The following NBAS variants were observed in gnomAD, a reference collection of about 807,000 sequenced individuals.
The protein encoded by NBAS is NBAS subunit of NRZ tethering complex, also known as NAG/BC035112 fusion.
Under a neutral mutation model 302.5 loss-of-function variants are expected in NBAS, and 219 were observed. The ratio of observed to expected loss-of-function variants is 0.72; its 90% confidence interval spans 0.65 to 0.81. The LOEUF is 0.81. Among genes scored for constraint, NBAS ranks in the 30% least tolerant of loss-of-function variants. The pLI is 0.00. For missense variants in NBAS, 2,932 were observed against 2,841.6 expected (o/e 1.03, Z -0.72); for synonymous variants, 1,118 against 1,021.6 (o/e 1.09, Z -1.80).
chr2:15,341,402 G>GAATAAATAAATA (rs3085584), intron 35 of NBAS, among the ~76,000 whole-genome samples: 38 of 148,224 alleles, frequency 2.6e-4, no homozygotes, highest in African/African-American at 8.4e-4. Context: ...ATAAATAAAT[G>GAATAAATAAATA]AATAAATAAA....
intron 40 of NBAS, among the ~76,000 whole-genome samples, chr2:15,297,652 A>G (rs898658020): frequency 2.0e-5 from 3 of 152,208 alleles, no homozygotes; most frequent in Non-Finnish European, 2.9e-5. Flanking sequence ...CTGTGGAGCT[A>G]TGAGTCAATT....
chr2:15,034,231 A>AG, the NBAS span, among the ~76,000 whole-genome samples: 8 of 92,078 alleles, frequency 8.7e-5, 1 homozygote, highest in Non-Finnish European at 1.7e-4. Flanking sequence ...AGGGAAAGAA[A>AG]GAAGGAAAGA....
the NBAS span, among the ~76,000 whole-genome samples, chr2:15,094,097 C>T: frequency 1.3e-5 from 2 of 152,188 alleles, no homozygotes; most frequent in African/African-American, 2.4e-5. Context: ...ACTGAAGAAT[C>T]GGCTTCACAT....
intron 12 of NBAS, among the ~76,000 whole-genome samples, chr2:15,484,517 T>C (rs1160355891): frequency 6.6e-6 from 1 of 152,142 alleles, no homozygotes; most frequent in Non-Finnish European, 1.5e-5. Flanking sequence ...GGCCAAGGTC[T>C]GATTTTTCAC....
chr2:15,384,994 T>G (rs964151846), intron 28 of NBAS, among the ~76,000 whole-genome samples: 3 of 143,148 alleles, frequency 2.1e-5, no homozygotes, highest in Non-Finnish European at 4.7e-5. Flanking sequence ...GCAAAAAATA[T>G]AGTCTTTAAA....
At chr2:15,344,382 C>T (rs528364724) in intron 35 of NBAS, among the ~76,000 whole-genome samples, 1 of 152,136 alleles carries the variant, frequency 6.6e-6, no homozygotes, top group Non-Finnish European at 1.5e-5. Context: ...ATAAACACCT[C>T]TCACAAATAA....
chr2:15,409,038 A>C (rs1308671872), intron 25 of NBAS, among the ~76,000 whole-genome samples: 3 of 152,150 alleles, frequency 2.0e-5, no homozygotes, highest in African/African-American at 7.2e-5. Flanking sequence ...GCATCAAGTA[A>C]ATCCTGGCTA....
At chr2:15,389,017 T>G (rs956366413) in intron 28 of NBAS, among the ~76,000 whole-genome samples, 9 of 152,214 alleles carry the variant, frequency 5.9e-5, no homozygotes, top group African/African-American at 2.2e-4. Context: ...CAGTTCTCAC[T>G]GCTGTGAGCT....
chr2:15,505,531 C>A (rs1377186542), intron 10 of NBAS, among the ~76,000 whole-genome samples: 2 of 152,060 alleles, frequency 1.3e-5, no homozygotes, highest in African/African-American at 4.8e-5. Flanking sequence ...AATAGACAAC[C>A]ACAACATCAG....
chr2:15,543,738 A>G (rs1663967439), intron 6 of NBAS, among the ~76,000 whole-genome samples: 2 of 152,238 alleles, frequency 1.3e-5, no homozygotes, highest in East Asian at 1.9e-4. Context: ...CCATGATTCA[A>G]TCATCTCCTA....
chr2:15,220,247 G>A (rs1437405293), intron 47 of NBAS, among the ~76,000 whole-genome samples: 1 of 151,442 alleles, frequency 6.6e-6, no homozygotes, highest in East Asian at 2.0e-4. Flanking sequence ...TTCCCAGTAG[G>A]GGCGGCCGGG....
chr2:15,367,492 C>T (rs556412608), intron 31 of NBAS, among the ~76,000 whole-genome samples: 1 of 152,120 alleles, frequency 6.6e-6, no homozygotes, highest in African/African-American at 2.4e-5. Flanking sequence ...TGTATATTAA[C>T]CCTACACAGC....
chr2:14,992,213 C>T, the NBAS span, among the ~76,000 whole-genome samples: 2 of 152,162 alleles, frequency 1.3e-5, no homozygotes, highest in Non-Finnish European at 2.9e-5. Context: ...TTATCCCTCC[C>T]AAGTCCTAGT....
intron 40 of NBAS, among the ~76,000 whole-genome samples, chr2:15,306,410 T>C (rs952632710): frequency 6.6e-6 from 1 of 152,160 alleles, no homozygotes; most frequent in Non-Finnish European, 1.5e-5. Flanking sequence ...AAAACCAATA[T>C]ACACCCAATA....
At chr2:14,972,942 G>T in the NBAS span, among the ~76,000 whole-genome samples, 4 of 152,308 alleles carry the variant, frequency 2.6e-5, no homozygotes, top group East Asian at 7.7e-4. Context: ...GAAAACACTT[G>T]GCTAGAACCA....
chr2:15,053,868 G>A, the NBAS span, among the ~76,000 whole-genome samples: 1 of 151,860 alleles, frequency 6.6e-6, no homozygotes, highest in East Asian at 1.9e-4. Flanking sequence ...AGCAGAAAGA[G>A]TAGGCACCTC....
At chr2:14,874,397 T>A in the NBAS span, among the ~76,000 whole-genome samples, 1 of 147,684 alleles carries the variant, frequency 6.8e-6, no homozygotes, top group Non-Finnish European at 1.5e-5. Context: ...GAGGCCAAGG[T>A]GGGCAGATCA....
chr2:15,190,195 T>C, intron 49 of NBAS, 69 bp downstream of exon 49: 1 of 1,544,270 alleles, frequency 6.5e-7, no homozygotes, highest in South Asian at 1.1e-5. Context: ...CTTTGGAAGG[T>C]GCTACATTTT....
At chr2:15,079,616 C>T in the NBAS span, among the ~76,000 whole-genome samples, 3 of 152,258 alleles carry the variant, frequency 2.0e-5, no homozygotes, top group South Asian at 2.1e-4. Context: ...ACACTCAATT[C>T]CTGAAGCTCT....
Sources: allele counts gnomAD v4.1 joint callset (sites outside exome capture counted in the v4.1 genomes callset), GRCh38; gene constraint gnomAD v4.1.1; transcripts MANE v1.5; gene names NCBI Gene and HGNC (gene_info 2026-07-23, HGNC 2026-07-21).